The following NSF variants were observed in gnomAD, a reference collection of about 807,000 sequenced individuals.
NSF encodes N-ethylmaleimide sensitive factor, vesicle fusing ATPase.
In NSF, 14 loss-of-function variants were observed where a neutral mutation model predicts 50.3. That is an observed-to-expected ratio of 0.28 (90% CI 0.18 to 0.44). The LOEUF (loss-of-function observed/expected upper bound fraction) is 0.44. Among genes scored for constraint, NSF ranks in the 20% least tolerant of loss-of-function variants. NSF has a pLI of 1.00. For synonymous variants in NSF, 109 were observed against 175.7 expected (o/e 0.62, Z 3.00); for missense variants, 218 against 504.3 (o/e 0.43, Z 5.44).
intron 1 of NSF, among the ~76,000 whole-genome samples, chr17:46,605,946 T>TGGAGATCAGCCTGACCAA (rs1363516500): frequency 6.5e-4 from 31 of 47,562 alleles, no homozygotes; most frequent in Non-Finnish European, 9.3e-4. Context: ...GGTTATGAGT[T>TGGAGATCAGCCTGACCAA]GGAGATCAGC....
At chr17:46,721,501 A>C in intron 15 of NSF, 1 of 862,534 alleles carries the variant, frequency 1.2e-6, no homozygotes, top group South Asian at 1.4e-5. Flanking sequence ...TCTACAGGAA[A>C]CTTCATAATA....
intron 15 of NSF, among the ~76,000 whole-genome samples, chr17:46,714,739 CAAG>C (rs2058751928): frequency 6.6e-6 from 1 of 152,154 alleles, no homozygotes; most frequent in Non-Finnish European, 1.5e-5. Context: ...TACTGCCAGT[CAAG>C]AAATTATTTT....
chr17:46,734,420 T>C (rs2058980068), intron 17 of NSF, among the ~76,000 whole-genome samples: 1 of 152,122 alleles, frequency 6.6e-6, no homozygotes, highest in South Asian at 2.1e-4. Context: ...TGCTTGACAG[T>C]TTAGTGGCCT....
intron 15 of NSF, among the ~76,000 whole-genome samples, chr17:46,722,469 A>G (rs910073842): frequency 6.6e-6 from 1 of 152,132 alleles, no homozygotes; most frequent in Non-Finnish European, 1.5e-5. Context: ...CTTTCTTTCC[A>G]GTACCTCTCC....
In NSF at chr17:46,746,758, A is replaced by C. The variant is rs139985739; in HGVS notation, c.1909-3015A>C. Among the ~76,000 whole-genome samples the C allele has an allele frequency of 5.3e-5, 8 of 152,340 alleles. No individual in the cohort carries two copies. In the East Asian group the frequency reaches 1.5e-3, roughly 29 times the overall value. ...ATGTATTGGTTATTTGGCCTTGAAC[A>C]CAAATGACTTGCCTTGAACACAAAT... On this transcript the variant is annotated intron_variant, in intron 17 of 20. Coordinates refer to ENST00000398238, the MANE Select transcript of NSF (RefSeq NM_006178.4).
chr17:46,748,481 G>GT (rs377703359), intron 17 of NSF, among the ~76,000 whole-genome samples: 18 of 152,246 alleles, frequency 1.2e-4, no homozygotes, highest in African/African-American at 4.3e-4. Flanking sequence ...TAGAATAAAG[G>GT]TATTTCCAGA....
intron 15 of NSF, among the ~76,000 whole-genome samples, chr17:46,720,726 A>G (rs533672100): frequency 4.6e-5 from 7 of 152,322 alleles, no homozygotes; most frequent in Admixed American, 3.3e-4. Flanking sequence ...TCCTACAGTC[A>G]TCAGATTTCT....
chr17:46,749,369 G>C (rs759795132), intron 17 of NSF, among the ~76,000 whole-genome samples: 1 of 152,176 alleles, frequency 6.6e-6, no homozygotes, highest in Admixed American at 6.5e-5. Context: ...CTTCTAAAAA[G>C]TGTACTAAAG....
At chr17:46,754,932 C>CTG (rs1268710481) in intron 19 of NSF, among the ~76,000 whole-genome samples, 2 of 152,248 alleles carry the variant, frequency 1.3e-5, no homozygotes, top group Admixed American at 6.5e-5. Flanking sequence ...TTCTACTTTG[C>CTG]TGTGACTTTA....
intron 17 of NSF, among the ~76,000 whole-genome samples, chr17:46,738,507 C>G (rs936974117): frequency 6.6e-6 from 1 of 152,074 alleles, no homozygotes; most frequent in Admixed American, 6.6e-5. Flanking sequence ...GAATAAGGAC[C>G]ATCATAACAA....
At chr17:46,725,253 C>T (rs2146289782) in intron 15 of NSF, among the ~76,000 whole-genome samples, 1 of 152,314 alleles carries the variant, frequency 6.6e-6, no homozygotes, top group South Asian at 2.1e-4. Context: ...GAATTCTGTT[C>T]TGTGCTGGGC....
At chr17:46,709,035 G>A (rs1254957449) in intron 13 of NSF, among the ~76,000 whole-genome samples, 3 of 151,246 alleles carry the variant, frequency 2.0e-5, no homozygotes, top group Non-Finnish European at 4.4e-5. Flanking sequence ...TTGTTGGCCA[G>A]GATGGTCTCA....
intron 15 of NSF, among the ~76,000 whole-genome samples, chr17:46,724,345 G>A (rs573735705): frequency 3.4e-4 from 51 of 152,220 alleles, no homozygotes; most frequent in African/African-American, 1.1e-3. Context: ...CTATATCTCC[G>A]TCATGGCTCA....
chr17:46,718,853 T>C (rs971833205), intron 15 of NSF, among the ~76,000 whole-genome samples: 1 of 152,202 alleles, frequency 6.6e-6, no homozygotes, highest in Non-Finnish European at 1.5e-5. Flanking sequence ...TTTTTACTTA[T>C]TATTATACAT....
intron 1 of NSF, among the ~76,000 whole-genome samples, chr17:46,602,711 C>G (rs1338056800): frequency 6.9e-6 from 1 of 144,832 alleles, no homozygotes; most frequent in African/African-American, 2.7e-5. Flanking sequence ...AATTCTGAGT[C>G]TTCCAATGAA....
intron 15 of NSF, among the ~76,000 whole-genome samples, chr17:46,725,675 A>G (rs2058881580): frequency 6.6e-6 from 1 of 152,162 alleles, no homozygotes; most frequent in Non-Finnish European, 1.5e-5. Flanking sequence ...GAAGGAATAT[A>G]TGCCATTCCA....
In NSF at chr17:46,704,830, T is replaced by C. The variant is rs775174315; in HGVS notation, c.1446T>C (p.Ala482=). The change falls in exon 13 of 21, where the codon GCT becomes GCC. Residue 482 remains alanine, a synonymous_variant. Transcript: ENST00000398238. ...AAGTGACGAGAGGAGACTTCCTTGC[T>C]TCTTTGGAGAATGATATCAAACCAG... The part of the protein sequence containing the change: ...SLQVTRGDFL[A]SLENDIKPAF... 3 of 1,602,840 alleles carry C rather than the reference T, an allele frequency of 1.9e-6. No homozygotes were observed. In the South Asian group the frequency reaches 3.4e-5, roughly 18 times the overall value.
intron 15 of NSF, among the ~76,000 whole-genome samples, chr17:46,715,447 T>C (rs978531401): frequency 6.6e-6 from 1 of 152,250 alleles, no homozygotes; most frequent in Non-Finnish European, 1.5e-5. Context: ...CATTTATTTA[T>C]TGAATAGCTA....
At chr17:46,656,958 CA>C (rs151339943) in intron 8 of NSF, among the ~76,000 whole-genome samples, 2 of 2,148 alleles carry the variant, frequency 9.3e-4, no homozygotes, top group Non-Finnish European at 0.023. Flanking sequence ...TACATAGAAC[CA>C]AAAAAAAAAA....
Sources: allele counts gnomAD v4.1 joint callset (sites outside exome capture counted in the v4.1 genomes callset), GRCh38; gene constraint gnomAD v4.1.1; transcripts MANE v1.5; gene names NCBI Gene and HGNC (gene_info 2026-07-23, HGNC 2026-07-21).